L3MBTL3: variants seen among roughly 807,000 people sequenced by gnomAD.
L3MBTL3 encodes the protein L3MBTL histone methyl-lysine binding protein 3.
A neutral mutation model predicts 102.3 loss-of-function variants in L3MBTL3; 27 were observed. The ratio of observed to expected loss-of-function variants is 0.26; its 90% CI spans 0.19 to 0.36. The LOEUF is 0.36. L3MBTL3 is among the 10% of genes least tolerant of loss of function. The pLI, the probability that L3MBTL3 is intolerant of heterozygous loss-of-function variation, is 1.00. For missense variants in L3MBTL3, 798 were observed against 955.3 expected (o/e 0.84, Z 2.17); for synonymous variants, 340 against 320.9 (o/e 1.06, Z -0.64).
chr6:130,125,406 C>T (rs1196875974), intron 20 of L3MBTL3, among the ~76,000 whole-genome samples: 1 of 152,080 alleles, frequency 6.6e-6, no homozygotes, highest in Non-Finnish European at 1.5e-5. Context: ...GCATTGCTAA[C>T]GTCATGAAAC....
At chr6:130,022,879 G>A (rs1779100370) in intron 2 of L3MBTL3, among the ~76,000 whole-genome samples, 1 of 152,054 alleles carries the variant, frequency 6.6e-6, no homozygotes, top group Non-Finnish European at 1.5e-5. Flanking sequence ...ACTTCCACAG[G>A]GAATACAGCT....
chr6:130,108,199 G>A (rs1785101845), intron 19 of L3MBTL3, among the ~76,000 whole-genome samples: 1 of 147,028 alleles, frequency 6.8e-6, no homozygotes, highest in Non-Finnish European at 1.5e-5. Context: ...TAAGTCATAA[G>A]CCCTCAATAA....
intron 20 of L3MBTL3, among the ~76,000 whole-genome samples, chr6:130,131,045 T>G (rs1402739472): frequency 1.3e-5 from 2 of 152,126 alleles, no homozygotes; most frequent in Admixed American, 6.6e-5. Context: ...ATGTGCAAGA[T>G]CTCTACCTGA....
At chr6:130,091,980 T>A (rs991579846) in intron 16 of L3MBTL3, among the ~76,000 whole-genome samples, 16 of 152,140 alleles carry the variant, frequency 1.1e-4, no homozygotes, top group Admixed American at 7.9e-4. Flanking sequence ...CAATAATTTA[T>A]ATATTTTTAA....
At chr6:130,086,505 C>T (rs1783701832) in intron 16 of L3MBTL3, among the ~76,000 whole-genome samples, 1 of 152,116 alleles carries the variant, frequency 6.6e-6, no homozygotes, top group Non-Finnish European at 1.5e-5. Context: ...AGATACAACA[C>T]ATTAAAGTAG....
intron 12 of L3MBTL3, among the ~76,000 whole-genome samples, chr6:130,070,343 ATTTC>A (rs1250920832): frequency 6.6e-6 from 1 of 152,120 alleles, no homozygotes; most frequent in Non-Finnish European, 1.5e-5. Context: ...TTATCTGTGG[ATTTC>A]TTTAAGTTAC....
intron 16 of L3MBTL3, among the ~76,000 whole-genome samples, chr6:130,089,196 C>T (rs1783879664): frequency 6.6e-6 from 1 of 151,912 alleles, no homozygotes; most frequent in Non-Finnish European, 1.5e-5. Flanking sequence ...AGGTATTTCT[C>T]CTAATGCTAT....
chr6:130,065,729 G>A (rs1014968737), intron 10 of L3MBTL3, among the ~76,000 whole-genome samples: 1 of 152,146 alleles, frequency 6.6e-6, no homozygotes, highest in Non-Finnish European at 1.5e-5. Flanking sequence ...CTCAGGTCTC[G>A]TAAGCCTATA....
At chr6:130,084,164 T>C (rs1021442057) in intron 15 of L3MBTL3, among the ~76,000 whole-genome samples, 2 of 152,176 alleles carry the variant, frequency 1.3e-5, no homozygotes, top group African/African-American at 4.8e-5. Context: ...TACAAGATCA[T>C]CTGCTTTTAT....
chr6:130,068,863 A>C (rs1018172563), intron 12 of L3MBTL3, among the ~76,000 whole-genome samples: 4 of 152,182 alleles, frequency 2.6e-5, no homozygotes. Context: ...GTAAACAAAA[A>C]CAAAATCTGG....
chr6:130,083,509 ATATG>A (rs1319973882), intron 14 of L3MBTL3, 107 bp from the exon 15 acceptor site: 47 of 546,848 alleles, frequency 8.6e-5, no homozygotes, highest in Admixed American at 1.9e-4. Context: ...TGTCATGTAT[ATATG>A]AACATAATTT....
intron 9 of L3MBTL3, among the ~76,000 whole-genome samples, chr6:130,057,828 C>T (rs1320242555): frequency 6.6e-6 from 1 of 152,166 alleles, no homozygotes; most frequent in African/African-American, 2.4e-5. Flanking sequence ...TTCATGTCAA[C>T]ATTGTGGCTT....
At chr6:130,055,503 T>TCTCCCTCCCTCC (rs1781417984) in intron 8 of L3MBTL3, among the ~76,000 whole-genome samples, 1 of 107,616 alleles carries the variant, frequency 9.3e-6, no homozygotes, top group Non-Finnish European at 2.0e-5. Flanking sequence ...TCCCTCCCTC[T>TCTCCCTCCCTCC]CTCCCTGCCT....
At chr6:130,128,461 TG>T (rs1451701558) in intron 20 of L3MBTL3, among the ~76,000 whole-genome samples, 1 of 152,024 alleles carries the variant, frequency 6.6e-6, no homozygotes, top group Non-Finnish European at 1.5e-5. Context: ...AGGGACATAT[TG>T]GGGGAGTGGT....
In L3MBTL3 at chr6:130,068,415, G is replaced by C. The variant is rs753028634; in HGVS notation, c.1086G>C (p.Gln362His). 66 of 1,563,836 alleles carry C rather than the reference G, an allele frequency of 4.2e-5. No homozygotes were observed. The highest frequency in any genetic ancestry group is 5.6e-5 in the Non-Finnish European group (64 of 1,134,676). Residue 362 changes from glutamine (Q) to histidine (H), a missense_variant, in exon 12 of 23, where the codon CAG becomes CAC. Physicochemically the swap from Gln to His is conservative, Grantham distance 24 (BLOSUM62 0). Coordinates refer to ENST00000361794, the MANE Select transcript of L3MBTL3 (RefSeq NM_032438.4). ...QAAPKSLFEN[Q>H]NITVIPSGFR... The stretch of plus-strand genomic sequence containing the variant: ...CTCCTAAGTCATTATTTGAAAATCA[G>C]AATATAGTAAGTACATACGAAACAC...
chr6:130,024,757 A>G (rs183400212), intron 2 of L3MBTL3, among the ~76,000 whole-genome samples: 29 of 152,246 alleles, frequency 1.9e-4, no homozygotes, highest in Admixed American at 8.5e-4. Flanking sequence ...CACTTAAAAG[A>G]CGAGATCCTT....
chr6:130,128,508 A>G (rs1786775455), intron 20 of L3MBTL3, among the ~76,000 whole-genome samples: 1 of 152,138 alleles, frequency 6.6e-6, no homozygotes, highest in Non-Finnish European at 1.5e-5. Flanking sequence ...AGCACTTCCA[A>G]GTCCAATTAG....
chr6:130,029,452 G>A (rs1212209666), intron 2 of L3MBTL3, among the ~76,000 whole-genome samples: 1 of 152,176 alleles, frequency 6.6e-6, no homozygotes, highest in East Asian at 1.9e-4. Context: ...TCACAGTAAG[G>A]TTGCGAATGG....
intron 19 of L3MBTL3, among the ~76,000 whole-genome samples, chr6:130,107,434 T>A (rs1785058726): frequency 6.6e-6 from 1 of 152,224 alleles, no homozygotes; most frequent in Non-Finnish European, 1.5e-5. Flanking sequence ...ATGAGGATCC[T>A]GAGCTTTCTG....
Sources: gnomAD v4.1 joint callset for allele counts (sites outside exome capture counted in the v4.1 genomes callset) on GRCh38, gnomAD v4.1.1 for gene constraint, MANE v1.5 for transcripts, NCBI Gene and HGNC (gene_info 2026-07-23, HGNC 2026-07-21) for gene names.